Variants in MBOAT1 observed in about 807,000 individuals in gnomAD.
MBOAT1 encodes membrane bound glycerophospholipid O-acyltransferase 1.
A neutral mutation model predicts 64.4 loss-of-function variants in MBOAT1; 67 were observed. That is an observed-to-expected ratio of 1.04 (90% CI 0.85 to 1.27). The LOEUF (loss-of-function observed/expected upper bound fraction) is 1.27, where lower values mean the gene tolerates loss of function less well. Ranked by LOEUF, MBOAT1 falls within the 50% of genes most tolerant of loss-of-function variation. The pLI is 0.00. For missense variants in MBOAT1, 563 were observed against 604.6 expected, an observed-to-expected ratio of 0.93 and a Z score of 0.72; for synonymous variants, 229 against 218.9, an observed-to-expected ratio of 1.05 and a Z score of -0.41.
rs573367604 is a variant in MBOAT1, at chr6:20,181,993, T to C, written c.100-29224A>G. On this transcript the variant is annotated intron_variant, in intron 1 of 12. Coordinates refer to ENST00000324607, the MANE Select transcript of MBOAT1 (RefSeq NM_001080480.3). ...TTAAATCCCTGCTCATCTACAAAGA[T>C]CACAGGGTAACCTATGTAGACGCCT... Among the ~76,000 whole-genome samples the C allele has an allele frequency of 2.6e-5, 4 of 152,302 alleles. No homozygotes were observed. In the South Asian group the frequency reaches 8.3e-4, roughly 32 times the overall value.
At chr6:20,198,941 A>T (rs1763042207) in intron 1 of MBOAT1, among the ~76,000 whole-genome samples, 2 of 152,262 alleles carry the variant, frequency 1.3e-5, no homozygotes, top group Admixed American at 6.5e-5. Context: ...TGTACATCGT[A>T]AACTTTAACA....
At chr6:20,183,129 T>A (rs1208671868) in intron 1 of MBOAT1, among the ~76,000 whole-genome samples, 1 of 152,146 alleles carries the variant, frequency 6.6e-6, no homozygotes, top group Non-Finnish European at 1.5e-5. Context: ...CTCCCCTTTA[T>A]GACTCCCTCA....
rs114538132 is a variant in MBOAT1 at position 20,185,528 on chromosome 6, T to C, written c.99+26608A>G. Among the ~76,000 whole-genome samples, 274 of 152,298 alleles carry C rather than the reference T, an allele frequency of 1.8e-3. 2 individuals carry two copies. The highest frequency in any genetic ancestry group is 0.017 in the Middle Eastern group (5 of 294). On this transcript the variant is annotated intron_variant, in intron 1 of 12. Transcript: ENST00000324607. The stretch of plus-strand genomic sequence containing the variant: ...TCTGACAGCAGACTGCCTTTGAACT[T>C]GAACTTCAAATCTTTCCTGGATCTC...
rs373032422 is a variant in MBOAT1, at chr6:20,129,155, T to C, written c.476-402A>G. On this transcript the variant is annotated intron_variant, in intron 5 of 12. Transcript: ENST00000324607. The stretch of plus-strand genomic sequence containing the variant: ...AGCTTAAATACCTCCCTGGCTGCAC[T>C]AGGTGCAGACACTTACTACAAGCTG... 6.6e-5 allele frequency among the ~76,000 whole-genome samples: 10 copies of C among 152,270 alleles called. No homozygotes were observed. In the East Asian group the frequency reaches 1.7e-3, roughly 26 times the overall value.
rs879232517 is a variant in MBOAT1 at position 20,152,771 on chromosome 6, T to C, written c.100-2A>G. Reference sequence around the variant, plus strand: ...AAGCTGGCATACCACAAAATTCACCTGTGGCAGGGGAAGAGAAAATAAAAA... The same window carrying C: ...AAGCTGGCATACCACAAAATTCACCCGTGGCAGGGGAAGAGAAAATAAAAA... On this transcript the variant is annotated splice_acceptor_variant, in intron 1 of 12. Coordinates refer to ENST00000324607, the MANE Select transcript of MBOAT1 (RefSeq NM_001080480.3). LOFTEE classifies it high-confidence loss of function. The C allele has an allele frequency of 4.4e-6, 7 of 1,601,846 alleles. No individual in the cohort carries two copies. In the South Asian group the frequency reaches 6.8e-5, roughly 16 times the overall value.
At chr6:20,124,241 G>T (rs895325229) in intron 8 of MBOAT1, among the ~76,000 whole-genome samples, 167 bp downstream of exon 8, 1 of 152,170 alleles carries the variant, frequency 6.6e-6, no homozygotes, top group African/African-American at 2.4e-5. Flanking sequence ...TATGGAGGGT[G>T]GGAGAGAGGA....
At chr6:20,151,157 C>T (rs369027415) in intron 3 of MBOAT1, 28 bp downstream of exon 3, 27 of 1,523,014 alleles carry the variant, frequency 1.8e-5, no homozygotes, top group Non-Finnish European at 2.4e-5. Context: ...AAAATCTCAC[C>T]TTGCATTGTT....
intron 9 of MBOAT1, among the ~76,000 whole-genome samples, chr6:20,117,757 C>A (rs1760371030): frequency 6.6e-6 from 1 of 152,244 alleles, no homozygotes; most frequent in South Asian, 2.1e-4. Context: ...TGCAACGCTT[C>A]TGCATGTTGA....
intron 4 of MBOAT1, among the ~76,000 whole-genome samples, chr6:20,143,449 A>G (rs1209748094): frequency 6.6e-6 from 1 of 152,242 alleles, no homozygotes; most frequent in African/African-American, 2.4e-5. Flanking sequence ...GGGTCAGGGT[A>G]GTAGGTACTT....
chr6:20,121,214 G>A (rs891127056), intron 8 of MBOAT1, among the ~76,000 whole-genome samples: 2 of 152,216 alleles, frequency 1.3e-5, no homozygotes, highest in African/African-American at 4.8e-5. Flanking sequence ...ATAATCATGT[G>A]TAATTAGTAC....
rs1428782210 is a variant in MBOAT1, at chr6:20,099,847, C to T, written c.*2439G>A. ...AACCTTCCGTCTAAATGTTGGTCCT[C>T]AGTTGAAATCTTTTTCTATGGGTAA... is the stretch of plus-strand genomic sequence containing the variant. On this transcript the variant is annotated 3_prime_UTR_variant, in exon 13 of 13. Transcript: ENST00000324607. Among the ~76,000 whole-genome samples, 1 of 152,222 alleles carries T rather than the reference C, an allele frequency of 6.6e-6. No homozygotes were observed. Among genetic ancestry groups the T allele is most frequent in the African/African-American group, 2.4e-5 (1 of 41,454 alleles).
Position 20,109,701 on chromosome 6 carries a change from C to T in MBOAT1, c.1258G>A (p.Ala420Thr), listed in dbSNP as rs781522458. The change falls in exon 12 of 13, where the codon GCT becomes ACT. Residue 420 changes from alanine (A) to threonine (T), a missense_variant. Transcript: ENST00000324607. ...HYFLSSRALK[A>T]VYDAGTWAVT... ...GCCCAGGTGCCTGCATCATACACAG[C>T]CTTGAGAGCTCTTGAAGAAAGGAAG... 6.2e-7 allele frequency: 1 copy of T among 1,614,072 alleles called. No homozygotes were observed. Among genetic ancestry groups the T allele is most frequent in the Non-Finnish European group, 8.5e-7 (1 of 1,179,994 alleles).
At chr6:20,118,614 C>T in intron 8 of MBOAT1, 74 bp from the exon 9 acceptor site, 1 of 1,195,448 alleles carries the variant, frequency 8.4e-7, no homozygotes, top group Non-Finnish European at 1.2e-6. Flanking sequence ...CACTAAATAT[C>T]TGTCTAGCTT....
intron 1 of MBOAT1, among the ~76,000 whole-genome samples, chr6:20,163,888 G>A (rs2113713443): frequency 6.6e-6 from 1 of 152,140 alleles, no homozygotes; most frequent in Admixed American, 6.5e-5. Context: ...GGAGTGAGGG[G>A]CACACACTGC....
intron 3 of MBOAT1, among the ~76,000 whole-genome samples, chr6:20,147,962 C>T (rs535526001): frequency 1.8e-4 from 28 of 152,350 alleles, no homozygotes; most frequent in Middle Eastern, 3.4e-3. Flanking sequence ...CAAGTTCTCA[C>T]GCTAGGCCCT....
chr6:20,109,829 A>G, intron 11 of MBOAT1, 80 bp from the exon 12 acceptor site: 1 of 1,395,414 alleles, frequency 7.2e-7, no homozygotes, highest in Non-Finnish European at 9.7e-7. Flanking sequence ...TGCAGATAGT[A>G]TGCCACAGGA....
intron 1 of MBOAT1, 106 bp downstream of exon 1, chr6:20,212,030 G>T: frequency 2.1e-6 from 2 of 943,746 alleles, no homozygotes; most frequent in Non-Finnish European, 3.2e-6. Context: ...GTGTGTGGCT[G>T]TAAAATACGC....
intron 1 of MBOAT1, among the ~76,000 whole-genome samples, chr6:20,184,297 C>T (rs182968606): frequency 5.9e-5 from 9 of 152,226 alleles, no homozygotes; most frequent in African/African-American, 2.2e-4. Flanking sequence ...AAAGCTAGTA[C>T]CAAGGTTGGT....
At chr6:20,186,680 G>A (rs1022655591) in intron 1 of MBOAT1, among the ~76,000 whole-genome samples, 1 of 152,182 alleles carries the variant, frequency 6.6e-6, no homozygotes, top group South Asian at 2.1e-4. Flanking sequence ...TCAAAGGTAC[G>A]TCTGTGGCAA....
Sources: allele counts gnomAD v4.1 joint callset (sites outside exome capture counted in the v4.1 genomes callset), GRCh38; gene constraint gnomAD v4.1.1; transcripts MANE v1.5; gene names NCBI Gene and HGNC (gene_info 2026-07-23, HGNC 2026-07-21).